IL12RB1: variants seen among roughly 807,000 people sequenced by gnomAD.
IL12RB1 encodes the protein interleukin 12 receptor subunit beta 1.
IL12RB1 carries 64 observed loss-of-function variants against 94.4 expected under a neutral mutation model. That is an observed-to-expected ratio of 0.68 (90% CI 0.55 to 0.83). The LOEUF (loss-of-function observed/expected upper bound fraction) is 0.83. Among genes scored for constraint, IL12RB1 ranks in the 40% least tolerant of loss-of-function variants. The pLI is 0.00. For missense variants in IL12RB1, 814 were observed against 855.6 expected (o/e 0.95, Z 0.61); for synonymous variants, 362 against 355.5 (o/e 1.02, Z -0.21).
intron 7 of IL12RB1, 48 bp from the exon 8 acceptor site, chr19:18,073,647 C>A (rs367812112): frequency 1.8e-6 from 2 of 1,089,480 alleles, no homozygotes; most frequent in South Asian, 1.3e-5. Flanking sequence ...GAGAGAAAGA[C>A]TGATGGATGT....
intron 13 of IL12RB1, among the ~76,000 whole-genome samples, chr19:18,062,752 A>G (rs1212606250): frequency 6.6e-6 from 1 of 152,044 alleles, no homozygotes; most frequent in Non-Finnish European, 1.5e-5. Flanking sequence ...AGCCTCGGCA[A>G]TAAGAGGGAA....
In IL12RB1 at chr19:18,075,874, G is replaced by A. The variant is rs766710272; in HGVS notation, c.581-6C>T. On this transcript the variant is annotated splice_region_variant and splice_polypyrimidine_tract_variant and intron_variant, in intron 6 of 16. Coordinates refer to ENST00000593993, the MANE Select transcript of IL12RB1 (RefSeq NM_005535.3). The stretch of plus-strand genomic sequence containing the variant: ...CAGGGGGCAGAGGCAGGACTCTGGG[G>A]AGAGGCAGGTCGAACATCAGGCCGT... The A allele has an allele frequency of 2.5e-6, 4 of 1,613,216 alleles. No homozygotes were observed. Among genetic ancestry groups the A allele is most frequent in the Non-Finnish European group, 2.5e-6 (3 of 1,179,226 alleles).
chr19:18,076,870 G>A (rs1427204948), intron 5 of IL12RB1, among the ~76,000 whole-genome samples: 3 of 152,020 alleles, frequency 2.0e-5, no homozygotes, highest in African/African-American at 7.2e-5. Flanking sequence ...CACAATGTGG[G>A]ATCCTGGATT....
intron 3 of IL12RB1, among the ~76,000 whole-genome samples, chr19:18,081,689 G>A (rs1045612694): frequency 2.6e-5 from 4 of 151,850 alleles, no homozygotes; most frequent in Admixed American, 6.6e-5. Context: ...GTGTGGTGGC[G>A]TGTGCCTATA....
Position 18,059,360 on chromosome 19 carries a change from C to T in IL12RB1, c.*248G>A, listed in dbSNP as rs763749328. The T allele has an allele frequency of 5.1e-5, 30 of 593,976 alleles. No individual in the cohort carries two copies. The highest frequency in any genetic ancestry group is 1.5e-4 in the African/African-American group (8 of 53,750). The allele number at this position is 593,976 out of a possible 1,614,324, so 36.8% of individuals were successfully genotyped here. ...TTGCCCCCATTCCCAGTCCATTCTA[C>T]GCCAGAACAGGTAAATGGCAGGGTC... On this transcript the variant is annotated 3_prime_UTR_variant, in exon 17 of 17. Coordinates refer to ENST00000593993, the MANE Select transcript of IL12RB1 (RefSeq NM_005535.3).
intron 1 of IL12RB1, among the ~76,000 whole-genome samples, chr19:18,084,687 ATCCATCCATC>A (rs1568522860): frequency 5.3e-5 from 8 of 150,034 alleles, no homozygotes; most frequent in East Asian, 3.9e-4. Context: ...CCATCCATCC[ATCCATCCATC>A]CATACATACA....
chr19:18,074,690 G>A (rs186972566), intron 7 of IL12RB1, among the ~76,000 whole-genome samples: 170 of 152,282 alleles, frequency 1.1e-3, no homozygotes, highest in Middle Eastern at 0.01. Context: ...GGAGGTTGCA[G>A]TGAGCCAAGA....
At position 18,059,847 on chromosome 19, in the gene IL12RB1, C is replaced by A. The variant is rs12461312; in HGVS notation, c.1983+47G>T. ...ATGGATGTCTAGCCCCCCCACCCCC[C>A]GGGCAGGGTTGCACCCCTGACCGTC... On this transcript the variant is annotated intron_variant, in intron 16 of 16. Coordinates refer to ENST00000593993, the MANE Select transcript of IL12RB1 (RefSeq NM_005535.3). The A allele has an allele frequency of 0.35, 364,244 of 1,050,200 alleles. 78,950 individuals carry two copies. The highest frequency in any genetic ancestry group is 0.4 in the Non-Finnish European group (272,638 of 687,852). 65.1% of individuals were successfully genotyped at this position (1,050,200 alleles called of 1,614,324 possible). A position where few individuals can be genotyped will look rare whatever the true frequency, so the allele number is the denominator to read the frequency against.
chr19:18,074,867 T>C (rs2146296696), intron 7 of IL12RB1, among the ~76,000 whole-genome samples: 1 of 151,986 alleles, frequency 6.6e-6, no homozygotes, highest in East Asian at 1.9e-4. Flanking sequence ...CTGGCTAACA[T>C]GGTGAAACCC....
In IL12RB1 at chr19:18,075,831, C is replaced by T; in HGVS notation, c.618G>A (p.Gln206=). 2.5e-6 allele frequency: 4 copies of T among 1,613,394 alleles called. No homozygotes were observed. The highest frequency in any genetic ancestry group is 2.5e-6 in the Non-Finnish European group (3 of 1,179,312). Reference sequence around the variant, plus strand: ...GCTGCCGTCGTCGGAGCTGGAATTCCTGGGCCACATTCATCTCCAGGGGGC... The same window carrying T: ...GCTGCCGTCGTCGGAGCTGGAATTCTTGGGCCACATTCATCTCCAGGGGGC... ...CLCPLEMNVA[Q]EFQLRRRQLG... is the part of the protein sequence containing the mutation. Residue 206 remains glutamine (Q), a synonymous_variant, in exon 7 of 17, where the codon CAG becomes CAA. Transcript: ENST00000593993.
chr19:18,076,995 T>C, intron 5 of IL12RB1, among the ~76,000 whole-genome samples: 1 of 152,120 alleles, frequency 6.6e-6, no homozygotes, highest in East Asian at 1.9e-4. Context: ...TATATGGGCG[T>C]TCTCTGCACC....
At chr19:18,075,672 C>A (rs1239603684) in intron 7 of IL12RB1, 77 bp downstream of exon 7, 1 of 1,288,448 alleles carries the variant, frequency 7.8e-7, no homozygotes, top group Non-Finnish European at 1.1e-6. Flanking sequence ...GCTGGAACTA[C>A]AGGTGTGCAC....
intron 10 of IL12RB1, 107 bp from the exon 11 acceptor site, chr19:18,068,633 A>C: frequency 2.2e-6 from 2 of 893,390 alleles, no homozygotes; most frequent in Non-Finnish European, 3.7e-6. Flanking sequence ...ACTCCTACTC[A>C]TGTTTCAAAG....
chr19:18,083,580 C>T, intron 1 of IL12RB1, 89 bp from the exon 2 acceptor site: 2 of 1,294,398 alleles, frequency 1.5e-6, no homozygotes, highest in South Asian at 1.2e-5. Context: ...CCCAAGTGAT[C>T]ATCAGCCCTC....
rs550155096 is a variant in IL12RB1, at chr19:18,068,336, T to C, written c.1327+53A>G. The stretch of plus-strand genomic sequence containing the variant: ...TCACTGTGCCCAGCCTCTATTTTTT[T>C]AAATTATTTAAAAAGAAAAAATAAT... On this transcript the variant is annotated intron_variant, in intron 11 of 16. Transcript: ENST00000593993. The C allele has an allele frequency of 2.8e-6, 4 of 1,450,754 alleles. No individual in the cohort carries two copies. The African/African-American group carries it at 5.8e-5, about 21-fold the overall frequency. 89.9% of individuals were successfully genotyped at this position (1,450,754 alleles called of 1,614,324 possible).
rs1323580682 is a variant in IL12RB1 at position 18,083,208 on chromosome 19, G to A, written c.124+224C>T. On this transcript the variant is annotated intron_variant, in intron 2 of 16. Coordinates refer to ENST00000593993, the MANE Select transcript of IL12RB1 (RefSeq NM_005535.3). ...GAACGGACACAGACACCAGCCCTGA[G>A]ACCATGCTAGGGAAGTGATAATGTT... is the stretch of plus-strand genomic sequence containing the variant. 4.7e-6 allele frequency: 3 copies of A among 633,896 alleles called. No individual in the cohort carries two copies. In the East Asian group the frequency reaches 8.2e-5, roughly 17 times the overall value. The allele number at this position is 633,896 out of a possible 1,614,324, so 39.3% of individuals were successfully genotyped here.
At chr19:18,097,069 G>A (rs1324529110) in intron 1 of IL12RB1, among the ~76,000 whole-genome samples, 3 of 152,068 alleles carry the variant, frequency 2.0e-5, no homozygotes, top group Non-Finnish European at 2.9e-5. Context: ...TATTTCTCTT[G>A]ATGGCTGAGT....
In IL12RB1 at chr19:18,067,350, A is replaced by AT. The variant is rs2034666079; in HGVS notation, c.1328-654_1328-653insA. On this transcript the variant is annotated intron_variant, in intron 11 of 16. Transcript: ENST00000593993. ...AGAAAAAAAAAAAAAAAAAAAAAAA[A>AT]GGAGTGCTGGTTGAGCACTTCCTGA... 2.7e-5 allele frequency among the ~76,000 whole-genome samples: 4 copies of AT among 146,596 alleles called. No homozygotes were observed. In the South Asian group the frequency reaches 8.5e-4, roughly 31 times the overall value.
At chr19:18,087,764 C>T (rs372549938), upstream of IL12RB1, among the ~76,000 whole-genome samples, 29 of 152,084 alleles carry the variant, frequency 1.9e-4, no homozygotes, top group African/African-American at 6.3e-4. Context: ...TCAAATGATC[C>T]GTCCGCCTTG....
Sources: allele counts gnomAD v4.1 joint callset (sites outside exome capture counted in the v4.1 genomes callset), GRCh38; gene constraint gnomAD v4.1.1; transcripts MANE v1.5; gene names NCBI Gene and HGNC (gene_info 2026-07-23, HGNC 2026-07-21).